The following ARHGAP24 variants were observed in gnomAD, a reference collection of about 807,000 sequenced individuals.
The protein encoded by ARHGAP24 is rho GTPase-activating protein 24.
Under a neutral mutation model 76.4 loss-of-function variants are expected in ARHGAP24, and 50 were observed. The ratio of observed to expected loss-of-function variants is 0.65; its 90% confidence interval spans 0.52 to 0.83. The LOEUF is 0.83. Ranked by LOEUF, ARHGAP24 falls within the 40% of genes least tolerant of loss-of-function variation. The pLI, the probability that ARHGAP24 is intolerant of heterozygous loss-of-function variation, is 0.00. For synonymous variants in ARHGAP24, 345 were observed against 323.3 expected, an observed-to-expected ratio of 1.07 and a Z score of -0.72; for missense variants, 930 against 914.2, an observed-to-expected ratio of 1.02 and a Z score of -0.22.
At chr4:85,780,309 G>A (rs1282576961) in intron 3 of ARHGAP24, among the ~76,000 whole-genome samples, 2 of 152,104 alleles carry the variant, frequency 1.3e-5, no homozygotes, top group Non-Finnish European at 2.9e-5. Flanking sequence ...GAGTAGCTGG[G>A]ATTACAGGGG....
At position 85,942,160 on chromosome 4, in the gene ARHGAP24, T is replaced by C. The variant is rs1299660343; in HGVS notation, c.486T>C (p.Phe162=). The part of the protein sequence containing the change: ...APMLVEQCVD[F]IRQRGLKEEG... Reference sequence around the variant, plus strand: ...TGTTGGTGGAGCAGTGCGTGGACTTTATCCGACAAAGGGGGCTGAAAGAAG... The same window carrying C: ...TGTTGGTGGAGCAGTGCGTGGACTTCATCCGACAAAGGGGGCTGAAAGAAG... Residue 162 remains phenylalanine, a synonymous_variant, in exon 5 of 10, where the codon TTT becomes TTC. Transcript: ENST00000395184. 3 of 1,614,052 alleles carry C rather than the reference T, an allele frequency of 1.9e-6. No individual in the cohort carries two copies. Among genetic ancestry groups the C allele is most frequent in the South Asian group, 1.1e-5 (1 of 91,076 alleles).
chr4:85,927,453 T>C (rs1426614920), intron 4 of ARHGAP24, among the ~76,000 whole-genome samples: 4 of 152,228 alleles, frequency 2.6e-5, no homozygotes, highest in Non-Finnish European at 4.4e-5. Context: ...CTAAAAACCA[T>C]TGAATTGTAC....
At chr4:85,581,251 T>G in intron 2 of ARHGAP24, among the ~76,000 whole-genome samples, 1 of 152,156 alleles carries the variant, frequency 6.6e-6, no homozygotes, top group East Asian at 1.9e-4. Context: ...GATAAATTAT[T>G]TCTCTTCTGA....
chr4:85,557,830 A>C (rs1198622490), intron 1 of ARHGAP24, among the ~76,000 whole-genome samples: 1 of 152,192 alleles, frequency 6.6e-6, no homozygotes, highest in African/African-American at 2.4e-5. Flanking sequence ...ACATATTCTT[A>C]GTGATGTCTT....
At chr4:85,793,308 A>T (rs946435663) in intron 3 of ARHGAP24, among the ~76,000 whole-genome samples, 13 of 152,212 alleles carry the variant, frequency 8.5e-5, no homozygotes, top group African/African-American at 3.1e-4. Flanking sequence ...GTGATAAAGA[A>T]TCCTTAAAGA....
At chr4:85,513,135 T>C (rs1022374089) in intron 1 of ARHGAP24, among the ~76,000 whole-genome samples, 27 of 152,238 alleles carry the variant, frequency 1.8e-4, no homozygotes, top group African/African-American at 6.3e-4. Context: ...GACCTCCAAT[T>C]ATCCACAGAA....
intron 2 of ARHGAP24, among the ~76,000 whole-genome samples, chr4:85,630,576 G>T (rs1416581550): frequency 1.3e-5 from 2 of 152,288 alleles, no homozygotes; most frequent in Non-Finnish European, 2.9e-5. Context: ...CTTACAGCTG[G>T]AGTCTTCAAA....
chr4:85,666,977 C>T (rs79052251), intron 2 of ARHGAP24, among the ~76,000 whole-genome samples: 9 of 152,304 alleles, frequency 5.9e-5, no homozygotes, highest in African/African-American at 1.7e-4. Context: ...GCAGTCTGCC[C>T]GTTCTCAGAT....
intron 9 of ARHGAP24, chr4:86,000,083 T>TC (rs2148876152): frequency 6.4e-6 from 1 of 157,418 alleles, no homozygotes; most frequent in East Asian, 1.8e-4. Context: ...TTGCCCTCTT[T>TC]TTTTTTTTTT....
At chr4:85,697,158 C>T (rs1207891826) in intron 2 of ARHGAP24, among the ~76,000 whole-genome samples, 2 of 152,052 alleles carry the variant, frequency 1.3e-5, no homozygotes. Context: ...ATGCTGTCAG[C>T]AAAATTATTT....
At chr4:85,810,619 A>T (rs754804818) in intron 3 of ARHGAP24, among the ~76,000 whole-genome samples, 2 of 152,102 alleles carry the variant, frequency 1.3e-5, no homozygotes, top group Non-Finnish European at 2.9e-5. Context: ...TTTGTCCTCA[A>T]ATGTCTCATC....
At position 85,516,982 on chromosome 4, in the gene ARHGAP24, T is replaced by C. The variant is rs574013713; in HGVS notation, c.-21+41423T>C. On this transcript the variant is annotated intron_variant, in intron 1 of 9. Coordinates refer to ENST00000395184, the MANE Select transcript of ARHGAP24 (RefSeq NM_001025616.3). ...TGAGATATGGATCCACTTTTATGTT[T>C]TTCCTAATAGCTTTCCAGTTTCCCC... 8.9e-4 allele frequency among the ~76,000 whole-genome samples: 135 copies of C among 152,320 alleles called. 3 individuals are homozygous for C. In the Middle Eastern group the frequency reaches 0.01, roughly 12 times the overall value.
intron 3 of ARHGAP24, among the ~76,000 whole-genome samples, chr4:85,827,089 G>T (rs947321230): frequency 6.6e-6 from 1 of 152,016 alleles, no homozygotes; most frequent in East Asian, 1.9e-4. Context: ...TATATTTTTG[G>T]CAAGAAATGC....
intron 3 of ARHGAP24, among the ~76,000 whole-genome samples, chr4:85,814,861 G>A (rs1729168887): frequency 6.6e-6 from 1 of 152,198 alleles, no homozygotes; most frequent in Admixed American, 6.5e-5. Context: ...CCCTAGCAGA[G>A]GTTCTCCATG....
At chr4:85,942,040 G>A in intron 4 of ARHGAP24, 26 bp from the exon 5 acceptor site, 1 of 1,601,750 alleles carries the variant, frequency 6.2e-7, no homozygotes, top group African/African-American at 1.4e-5. Flanking sequence ...AATTTCCCAA[G>A]TTTACTGTGA....
chr4:85,995,276 T>A lies in ARHGAP24; in HGVS notation c.1622T>A (p.Met541Lys). The A allele has an allele frequency of 6.2e-7, 1 of 1,614,002 alleles. No homozygotes were observed. The highest frequency in any genetic ancestry group is 8.5e-7 in the Non-Finnish European group (1 of 1,180,018). The change falls in exon 9 of 10, where the codon ATG (methionine) becomes AAG (lysine). Residue 541 changes from methionine (M) to lysine (K), a missense_variant. Coordinates refer to ENST00000395184, the MANE Select transcript of ARHGAP24 (RefSeq NM_001025616.3). ...TYDNVHQQFS[M>K]MNLDDKQSID... ...GATAATGTCCATCAACAGTTCTCCA[T>A]GATGAACCTTGATGACAAGCAGAGC...
intron 3 of ARHGAP24, among the ~76,000 whole-genome samples, chr4:85,795,547 A>T (rs1257456028): frequency 6.6e-6 from 1 of 152,190 alleles, no homozygotes; most frequent in Admixed American, 6.5e-5. Context: ...TATCCAAATT[A>T]TGGGGGTCCT....
rs553105622 is a variant in ARHGAP24 at position 85,977,632 on chromosome 4, C to T, written c.869C>T (p.Thr290Met). The change falls in exon 8 of 10, where the codon ACG becomes ATG. Residue 290 changes from threonine (T) to methionine (M), a missense_variant. Transcript: ENST00000395184. Reference sequence around the variant, plus strand: ...AAAATGAGTGTGCAGAACTTGGCAACGGTCTTTGGTCCTAATATCCTGCGC... The same window carrying T: ...AAAATGAGTGTGCAGAACTTGGCAATGGTCTTTGGTCCTAATATCCTGCGC... ...VNKMSVQNLA[T>M]VFGPNILRPK... is the part of the protein sequence containing the mutation. The T allele has an allele frequency of 2.4e-5, 38 of 1,613,830 alleles. No individual in the cohort carries two copies. The East Asian group carries it at 5.6e-4, about 24-fold the overall frequency.
rs544611917 is a variant in ARHGAP24, at chr4:86,001,520, A to G, written c.*798A>G. The G allele has an allele frequency of 7.5e-6, 3 of 398,256 alleles. No individual in the cohort carries two copies. The South Asian group carries it at 3.9e-4, about 52-fold the overall frequency. 24.7% of individuals were successfully genotyped at this position (398,256 alleles called of 1,614,324 possible). A position where few individuals can be genotyped will look rare whatever the true frequency, so the allele number is the denominator to read the frequency against. On this transcript the variant is annotated 3_prime_UTR_variant, in exon 10 of 10. Transcript: ENST00000395184. ...GGTAAAGAATGGCATTTAACGATTC[A>G]GGCTTTGAATTACTCTGTCCCTCTG...
Sources: gnomAD v4.1 joint callset for allele counts (sites outside exome capture counted in the v4.1 genomes callset) on GRCh38, gnomAD v4.1.1 for gene constraint, MANE v1.5 for transcripts, NCBI Gene and HGNC (gene_info 2026-07-23, HGNC 2026-07-21) for gene names.